HNF1B: variants seen among roughly 807,000 people sequenced by gnomAD.
HNF1B encodes the protein hepatocyte nuclear factor 1-beta.
HNF1B carries 8 observed loss-of-function variants against 61.7 expected under a neutral mutation model. The observed-to-expected ratio is 0.13, with a 90% CI of 0.08 to 0.23. The LOEUF is 0.23. HNF1B is among the 10% of genes least tolerant of loss of function. The probability of loss-of-function intolerance (pLI) is 1.00; values close to 1 mark genes in which losing one functional copy is unlikely to be tolerated. For synonymous variants in HNF1B, 314 were observed against 287.7 expected (o/e 1.09, Z -0.93); for missense variants, 562 against 714.5 (o/e 0.79, Z 2.43).
intron 8 of HNF1B, among the ~76,000 whole-genome samples, chr17:37,693,258 C>G (rs145780230): frequency 1.3e-5 from 2 of 148,466 alleles, no homozygotes; most frequent in African/African-American, 5.0e-5. Flanking sequence ...GGATCACAGA[C>G]GGGAGAGAAA....
intron 4 of HNF1B, among the ~76,000 whole-genome samples, chr17:37,716,848 C>A (rs1416430618): frequency 0.17 from 8,127 of 48,348 alleles, 224 homozygotes; most frequent in Non-Finnish European, 0.23. Flanking sequence ...AACAATCTCT[C>A]TCTCTCTCTC....
At chr17:37,699,825 G>A (rs1054672280) in intron 7 of HNF1B, among the ~76,000 whole-genome samples, 7 of 152,196 alleles carry the variant, frequency 4.6e-5, no homozygotes, top group Admixed American at 2.0e-4. Context: ...CCACAGGCCC[G>A]AGTGGGGATT....
At chr17:37,708,720 C>T (rs2285740) in intron 5 of HNF1B, among the ~76,000 whole-genome samples, 94,065 of 152,040 alleles carry the variant, frequency 0.62, 29,362 homozygotes, top group Non-Finnish European at 0.66. Context: ...TGGTTCTTCA[C>T]ATGGAGAAGA....
intron 4 of HNF1B, among the ~76,000 whole-genome samples, chr17:37,728,008 T>TA (rs780660744): frequency 3.3e-5 from 5 of 151,896 alleles, no homozygotes; most frequent in Non-Finnish European, 7.4e-5. Context: ...GTTTTTTTTT[T>TA]AAGACAGAGT....
intron 8 of HNF1B, among the ~76,000 whole-genome samples, chr17:37,696,068 G>A (rs569438894): frequency 2.6e-5 from 4 of 152,166 alleles, no homozygotes; most frequent in Non-Finnish European, 4.4e-5. Context: ...AGTGTTGGAG[G>A]TGGGGCTCAG....
At position 37,690,858 on chromosome 17, in the gene HNF1B, C is replaced by T. The variant is rs74796056; in HGVS notation, c.1654-3466G>A. On this transcript the variant is annotated intron_variant, in intron 8 of 8. Transcript: ENST00000617811. ...AGCACTGGATCTGTGAGTGAGCACT[C>T]AGTAGGGAAGACCGGACTGTACACA... is the stretch of plus-strand genomic sequence containing the variant. Among the ~76,000 whole-genome samples, 328 of 152,276 alleles carry T rather than the reference C, an allele frequency of 2.2e-3. 7 individuals carry two copies. In the East Asian group the frequency reaches 0.057, roughly 26 times the overall value.
At chr17:37,705,189 G>A (rs1390087252) in intron 5 of HNF1B, 140 bp from the exon 6 acceptor site, 2 of 966,254 alleles carry the variant, frequency 2.1e-6, no homozygotes, top group African/African-American at 3.2e-5. Flanking sequence ...ACAATTATTG[G>A]CTGGGCATGG....
chr17:37,700,844 T>C, intron 7 of HNF1B, 139 bp downstream of exon 7: 12 of 772,956 alleles, frequency 1.6e-5, no homozygotes, highest in South Asian at 1.3e-4. Flanking sequence ...GCTTGAGAAA[T>C]TGTCTTAGTC....
At chr17:37,720,202 T>TC (rs1369054782) in intron 4 of HNF1B, among the ~76,000 whole-genome samples, 1 of 152,216 alleles carries the variant, frequency 6.6e-6, no homozygotes, top group Non-Finnish European at 1.5e-5. Flanking sequence ...TTTCTAGACC[T>TC]CATTTTGCTC....
rs1391196377 is a variant in HNF1B, at chr17:37,744,626, C to T, written c.259G>A (p.Asp87Asn). 1 of 1,611,432 alleles carries T rather than the reference C, an allele frequency of 6.2e-7. No individual in the cohort carries two copies. Among genetic ancestry groups the T allele is most frequent in the South Asian group, 1.1e-5 (1 of 91,084 alleles). ...DEGSEDGDDYDTPPILKELQA... is the reference protein window; with the variant it reads ...DEGSEDGDDYNTPPILKELQA... ...AGCTCCTTGAGGATGGGAGGTGTGT[C>T]ATAGTCGTCGCCGTCCTCGGAGCCC... The change falls in exon 1 of 9, where the codon GAC (aspartate) becomes AAC (asparagine). Residue 87 changes from aspartate (D) to asparagine (N), a missense_variant. By Grantham distance (23) the Asp-to-Asn change is conservative (BLOSUM62 1). Coordinates refer to ENST00000617811, the MANE Select transcript of HNF1B (RefSeq NM_000458.4).
chr17:37,727,334 G>A (rs904344693), intron 4 of HNF1B, among the ~76,000 whole-genome samples: 1 of 152,154 alleles, frequency 6.6e-6, no homozygotes, highest in Admixed American at 6.5e-5. Flanking sequence ...GGGGGTGGGG[G>A]CGGATAAAGG....
intron 2 of HNF1B, among the ~76,000 whole-genome samples, chr17:37,734,773 T>C (rs1361968495): frequency 2.0e-5 from 3 of 150,260 alleles, no homozygotes; most frequent in Admixed American, 6.7e-5. Context: ...GGTCCCTATG[T>C]TCTGGATCTT....
At chr17:37,702,227 G>T (rs1349436701) in intron 6 of HNF1B, among the ~76,000 whole-genome samples, 1 of 152,214 alleles carries the variant, frequency 6.6e-6, no homozygotes, top group Admixed American at 6.5e-5. Context: ...GACACCTAGA[G>T]AGGCTTTCCT....
chr17:37,744,914 G>T lies in HNF1B; in HGVS notation c.-30C>A. 2 of 1,471,412 alleles carry T rather than the reference G, an allele frequency of 1.4e-6. No homozygotes were observed. The highest frequency in any genetic ancestry group is 2.3e-5 in the South Asian group (2 of 87,438). 91.1% of individuals were successfully genotyped at this position (1,471,412 alleles called of 1,614,324 possible). On this transcript the variant is annotated 5_prime_UTR_variant, in exon 1 of 9. Transcript: ENST00000617811. ...CAAGGACGGAAAAAGAAGGGGGTGA[G>T]GGGGTGGGTGGGTGCGAGAGAGGAG... is the stretch of plus-strand genomic sequence containing the variant.
chr17:37,707,765 C>G lies in HNF1B; in HGVS notation c.1207-2716G>C, dbSNP rs867137473. Among the ~76,000 whole-genome samples the G allele has an allele frequency of 4.0e-5, 6 of 148,762 alleles. No individual in the cohort carries two copies. In the South Asian group the frequency reaches 1.1e-3, roughly 26 times the overall value. On this transcript the variant is annotated intron_variant, in intron 5 of 8. Transcript: ENST00000617811. ...TCCAGTATGTGCTTTGCTTTGTTCTCTCTCTTTTTTTTTTTTTTAAAGGTT... is the reference window on the plus strand; with the variant it reads ...TCCAGTATGTGCTTTGCTTTGTTCTGTCTCTTTTTTTTTTTTTTAAAGGTT...
chr17:37,720,507 A>G (rs1366352207), intron 4 of HNF1B, among the ~76,000 whole-genome samples: 5 of 151,712 alleles, frequency 3.3e-5, no homozygotes, highest in South Asian at 4.1e-4. Flanking sequence ...CTTTATATAT[A>G]CATATATATA....
At position 37,744,778 on chromosome 17, in the gene HNF1B, G is replaced by A. The variant is rs544890850; in HGVS notation, c.107C>T (p.Ser36Phe). Residue 36 changes from serine (S) to phenylalanine (F), a missense_variant, in exon 1 of 9, where the codon TCC becomes TTC. Ser to Phe is a radical substitution (Grantham distance 155, BLOSUM62 -2). Around this residue, in one of 6 missense-constraint regions of HNF1B, gnomAD observed 148 missense variants for 147.3 expected, o/e 1.00. Transcript: ENST00000617811. ...LVQALEELLP[S>F]PNFGVKLETL... is the part of the protein sequence containing the mutation. ...CTCCAGCTTCACCCCGAAGTTCGGG[G>A]ATGGCAGCAACTCCTCCAAGGCCTG... 3.2e-5 allele frequency: 51 copies of A among 1,613,622 alleles called. No homozygotes were observed. The East Asian group carries it at 1.0e-3, about 32-fold the overall frequency.
At chr17:37,722,230 G>A (rs2033341001) in intron 4 of HNF1B, among the ~76,000 whole-genome samples, 1 of 152,178 alleles carries the variant, frequency 6.6e-6, no homozygotes, top group Admixed American at 6.5e-5. Context: ...CAAGAACCCA[G>A]GGAGAACCCA....
intron 8 of HNF1B, among the ~76,000 whole-genome samples, chr17:37,690,320 G>A (rs187881393): frequency 2.0e-5 from 3 of 152,294 alleles, no homozygotes; most frequent in Admixed American, 6.5e-5. Flanking sequence ...AGGTGAGAAC[G>A]GCGACACTGG....
Sources: allele counts gnomAD v4.1 joint callset (sites outside exome capture counted in the v4.1 genomes callset), GRCh38; gene constraint gnomAD v4.1.1; regional missense constraint gnomAD v4.1.1; transcripts MANE v1.5; gene names NCBI Gene and HGNC (gene_info 2026-07-23, HGNC 2026-07-21).